The following NCKAP5 variants were observed in gnomAD, a reference collection of about 807,000 sequenced individuals.
The protein encoded by NCKAP5 is NCK associated protein 5.
A neutral mutation model predicts 167.0 loss-of-function variants in NCKAP5; 92 were observed. The observed-to-expected ratio is 0.55, with a 90% CI of 0.47 to 0.66. The LOEUF (loss-of-function observed/expected upper bound fraction) is 0.66, where lower values mean the gene tolerates loss of function less well. NCKAP5 is among the 30% of genes least tolerant of loss of function. The pLI, the probability that NCKAP5 is intolerant of heterozygous loss-of-function variation, is 0.00. For synonymous variants in NCKAP5, 891 were observed against 877.4 expected (o/e 1.02, Z -0.27); for missense variants, 2,378 against 2,315.0 (o/e 1.03, Z -0.56).
the NCKAP5 span, among the ~76,000 whole-genome samples, chr2:133,606,670 A>G: frequency 6.7e-6 from 1 of 149,272 alleles, no homozygotes; most frequent in East Asian, 1.9e-4. Flanking sequence ...CAAGTTTCCC[A>G]GGAGATCCTG....
chr2:132,909,231 AGCTACTCAGGAG>A (rs933467684), intron 8 of NCKAP5, among the ~76,000 whole-genome samples: 1 of 152,122 alleles, frequency 6.6e-6, no homozygotes, highest in African/African-American at 2.4e-5. Context: ...CTGTGATCCC[AGCTACTCAGGAG>A]GCTGAGGCAG....
In NCKAP5 at chr2:132,734,731, A is replaced by G. The variant is rs561087143; in HGVS notation, c.5129-2680T>C. 2.7e-5 allele frequency among the ~76,000 whole-genome samples: 4 copies of G among 150,734 alleles called. No homozygotes were observed. The East Asian group carries it at 8.6e-4, about 32-fold the overall frequency. ...TTAGAAATGAGGAATCACAGCTAAA[A>G]GAGGTTAAGCAACTTGTCCAAGGTC... On this transcript the variant is annotated intron_variant, in intron 16 of 19. Coordinates refer to ENST00000409261, the MANE Select transcript of NCKAP5 (RefSeq NM_207363.3).
intron 11 of NCKAP5, among the ~76,000 whole-genome samples, chr2:132,799,983 C>T (rs946507431): frequency 6.6e-5 from 10 of 152,122 alleles, no homozygotes; most frequent in African/African-American, 2.2e-4. Context: ...TGTGAAAGCA[C>T]ACAACCCCAA....
chr2:133,023,595 C>T (rs1384367412), intron 6 of NCKAP5, among the ~76,000 whole-genome samples: 1 of 152,192 alleles, frequency 6.6e-6, no homozygotes, highest in Non-Finnish European at 1.5e-5. Flanking sequence ...GCCCATGCCT[C>T]TCCCTCCCTT....
Position 132,783,640 on chromosome 2 carries a change from T to G in NCKAP5, c.3171A>C (p.Pro1057=), listed in dbSNP as rs1396810158. 6 of 1,613,916 alleles carry G rather than the reference T, an allele frequency of 3.7e-6. No homozygotes were observed. Among genetic ancestry groups the G allele is most frequent in the Non-Finnish European group, 5.1e-6 (6 of 1,179,878 alleles). ...KTSPRQTLGT[P]QRDIGLQTPR... is the part of the protein sequence containing the mutation. ...GAGTCTGTAATCCTATGTCCCTTTG[T>G]GGGGTCCCAAGTGTTTGGCGAGGAG... Residue 1057 remains proline (P), a synonymous_variant, in exon 14 of 20, where the codon CCA becomes CCC. Transcript: ENST00000409261.
At chr2:132,763,831 G>T (rs1681218345) in intron 16 of NCKAP5, among the ~76,000 whole-genome samples, 1 of 152,142 alleles carries the variant, frequency 6.6e-6, no homozygotes, top group African/African-American at 2.4e-5. Context: ...ATCCTTGCTA[G>T]ACTGGAGTTC....
intron 2 of NCKAP5, among the ~76,000 whole-genome samples, chr2:133,545,447 G>A (rs760781331): frequency 1.3e-5 from 2 of 152,030 alleles, no homozygotes; most frequent in Admixed American, 6.6e-5. Flanking sequence ...AGGAGATGAC[G>A]GAAACTGAAA....
At chr2:133,574,113 A>C in the NCKAP5 span, among the ~76,000 whole-genome samples, 1 of 145,402 alleles carries the variant, frequency 6.9e-6, no homozygotes, top group Non-Finnish European at 1.5e-5. Flanking sequence ...AATACTAAGA[A>C]ATGGAAGAGG....
At chr2:133,588,004 A>G in the NCKAP5 span, among the ~76,000 whole-genome samples, 2 of 152,194 alleles carry the variant, frequency 1.3e-5, no homozygotes, top group African/African-American at 4.8e-5. Flanking sequence ...TGTTAAAGAA[A>G]ATAGAAACTG....
At chr2:133,005,224 A>G (rs1423523983) in intron 6 of NCKAP5, among the ~76,000 whole-genome samples, 2 of 152,202 alleles carry the variant, frequency 1.3e-5, no homozygotes, top group Non-Finnish European at 2.9e-5. Flanking sequence ...GGGAAGTGAT[A>G]AATGTCCATG....
chr2:132,774,527 C>A (rs759079887), intron 15 of NCKAP5, among the ~76,000 whole-genome samples: 1 of 151,788 alleles, frequency 6.6e-6, no homozygotes, highest in African/African-American at 2.4e-5. Context: ...AGTTGGAAGG[C>A]CCAGGCACTA....
chr2:133,591,055 G>T, the NCKAP5 span, among the ~76,000 whole-genome samples: 4 of 152,252 alleles, frequency 2.6e-5, no homozygotes, highest in African/African-American at 9.6e-5. Flanking sequence ...TTGGGTGCAT[G>T]TATGTCCAAA....
At chr2:133,511,577 A>G (rs1683498582) in intron 3 of NCKAP5, among the ~76,000 whole-genome samples, 1 of 152,200 alleles carries the variant, frequency 6.6e-6, no homozygotes, top group South Asian at 2.1e-4. Context: ...AGGTTGCTAA[A>G]CCAGGCCAAA....
At chr2:132,706,375 AAG>A (rs1688362297) in intron 19 of NCKAP5, among the ~76,000 whole-genome samples, 2 of 152,324 alleles carry the variant, frequency 1.3e-5, no homozygotes, top group South Asian at 2.1e-4. Context: ...GATCTGGGAA[AAG>A]AGAGATTTAG....
intron 3 of NCKAP5, among the ~76,000 whole-genome samples, chr2:133,338,412 C>T (rs1347636003): frequency 6.6e-6 from 1 of 152,178 alleles, no homozygotes; most frequent in African/African-American, 2.4e-5. Context: ...GGTCTTTACT[C>T]ACATACTAGG....
chr2:133,005,344 T>A lies in NCKAP5; in HGVS notation c.342-11105A>T, dbSNP rs573212790. Among the ~76,000 whole-genome samples the A allele has an allele frequency of 2.0e-5, 3 of 152,322 alleles. No homozygotes were observed. In the East Asian group the frequency reaches 5.8e-4, roughly 29 times the overall value. On this transcript the variant is annotated intron_variant, in intron 6 of 19. Transcript: ENST00000409261. ...GTTCATGAAATCTTCACAATTTATGTTCTTCTGCCTCTGCTTCAGCTGGTC... is the reference window on the plus strand; with the variant it reads ...GTTCATGAAATCTTCACAATTTATGATCTTCTGCCTCTGCTTCAGCTGGTC...
chr2:132,784,221 G>C lies in NCKAP5; in HGVS notation c.2590C>G (p.His864Asp). ...GPLFELRSDPHIPKHSAQLPH... is the reference protein window; with the variant it reads ...GPLFELRSDPDIPKHSAQLPH... ...AGTTGGGCGGAATGTTTTGGAATGT[G>C]TGGATCTGATCGTAATTCAAAGAGG... Residue 864 changes from histidine to aspartate, a missense_variant, in exon 14 of 20, where the codon CAC becomes GAC. By Grantham distance (81) the His-to-Asp change is moderately conservative. Coordinates refer to ENST00000409261, the MANE Select transcript of NCKAP5 (RefSeq NM_207363.3). 2 of 1,595,308 alleles carry C rather than the reference G, an allele frequency of 1.3e-6. No individual in the cohort carries two copies. Among genetic ancestry groups the C allele is most frequent in the South Asian group, 1.1e-5 (1 of 87,546 alleles).
At chr2:133,520,837 T>G (rs1684413330) in intron 2 of NCKAP5, among the ~76,000 whole-genome samples, 1 of 152,098 alleles carries the variant, frequency 6.6e-6, no homozygotes, top group Non-Finnish European at 1.5e-5. Context: ...GGCATAAGGG[T>G]TGGCCAATCA....
At chr2:133,254,281 T>A (rs2088504562) in intron 4 of NCKAP5, among the ~76,000 whole-genome samples, 1 of 152,084 alleles carries the variant, frequency 6.6e-6, no homozygotes, top group African/African-American at 2.4e-5. Flanking sequence ...TAAGTAGTCC[T>A]GCTAGAGAGA....
Sources: gnomAD v4.1 joint callset for allele counts (sites outside exome capture counted in the v4.1 genomes callset) on GRCh38, gnomAD v4.1.1 for gene constraint, MANE v1.5 for transcripts, NCBI Gene and HGNC (gene_info 2026-07-23, HGNC 2026-07-21) for gene names.